The following BMERB1 variants were observed in gnomAD, a reference collection of about 807,000 sequenced individuals.
BMERB1 encodes the protein bMERB domain-containing protein 1.
Under a neutral mutation model 23.6 loss-of-function variants are expected in BMERB1, and 12 were observed. That is an observed-to-expected ratio of 0.51 (90% CI 0.33 to 0.82). The LOEUF (loss-of-function observed/expected upper bound fraction) is 0.82, where lower values mean the gene tolerates loss of function less well. Among genes scored for constraint, BMERB1 ranks in the 40% least tolerant of loss-of-function variants. The pLI is 0.03. For missense variants in BMERB1, 247 were observed against 255.4 expected (o/e 0.97, Z 0.22); for synonymous variants, 122 against 96.6 (o/e 1.26, Z -1.54).
intron 1 of BMERB1, among the ~76,000 whole-genome samples, chr16:15,450,595 C>T (rs1176776782): frequency 1.3e-5 from 2 of 152,054 alleles, no homozygotes; most frequent in Admixed American, 1.3e-4. Context: ...CTCAGCCTCC[C>T]GAGTAGCCGG....
chr16:15,516,319 A>T (rs2051754392), intron 2 of BMERB1, among the ~76,000 whole-genome samples: 1 of 151,982 alleles, frequency 6.6e-6, no homozygotes, highest in South Asian at 2.1e-4. Flanking sequence ...ACTCAGGAGG[A>T]TGAGGTGGGG....
At chr16:15,459,081 C>A (rs2051113653) in intron 1 of BMERB1, among the ~76,000 whole-genome samples, 1 of 151,898 alleles carries the variant, frequency 6.6e-6, no homozygotes, top group Non-Finnish European at 1.5e-5. Flanking sequence ...GCACTCCAGC[C>A]CAGGTAACAG....
intron 2 of BMERB1, among the ~76,000 whole-genome samples, chr16:15,529,558 T>C (rs1363410614): frequency 2.6e-5 from 4 of 152,080 alleles, no homozygotes; most frequent in Non-Finnish European, 4.4e-5. Context: ...AATATCTGAC[T>C]CTCCTCCTAG....
At chr16:15,563,875 A>G (rs1368243132) in intron 2 of BMERB1, among the ~76,000 whole-genome samples, 1 of 152,152 alleles carries the variant, frequency 6.6e-6, no homozygotes, top group Non-Finnish European at 1.5e-5. Flanking sequence ...GATCCAAACT[A>G]CATCATAGGC....
chr16:15,474,119 C>CAA lies in BMERB1; in HGVS notation c.106+39377_106+39378dup, dbSNP rs71152434. ...TCGGTGACAGAGTGAGACTCTGTCTCAAAAAAAAAAAAAAAAAAGTTTTAT... is the reference window on the plus strand; with the variant it reads ...TCGGTGACAGAGTGAGACTCTGTCTCAAAAAAAAAAAAAAAAAAAAGTTTTAT... On this transcript the variant is annotated intron_variant, in intron 1 of 5. Coordinates refer to ENST00000300006, the MANE Select transcript of BMERB1 (RefSeq NM_033201.3). 6.6e-5 allele frequency among the ~76,000 whole-genome samples: 6 copies of CAA among 91,530 alleles called. No homozygotes were observed. The South Asian group carries it at 1.4e-3, about 22-fold the overall frequency. 60.0% of individuals were successfully genotyped at this position (91,530 alleles called of 152,430 possible).
chr16:15,507,623 G>C (rs916282621), intron 1 of BMERB1, among the ~76,000 whole-genome samples: 4 of 152,136 alleles, frequency 2.6e-5, no homozygotes, highest in Admixed American at 2.6e-4. Context: ...CCCGTGATTT[G>C]TCCTCCTCGT....
chr16:15,471,012 A>G (rs570166090), intron 1 of BMERB1, among the ~76,000 whole-genome samples: 2 of 149,340 alleles, frequency 1.3e-5, no homozygotes, highest in Non-Finnish European at 3.0e-5. Context: ...AATTTTTTGT[A>G]TTTTAGTAGA....
chr16:15,554,052 C>G (rs1209668906), intron 2 of BMERB1, among the ~76,000 whole-genome samples: 5 of 152,176 alleles, frequency 3.3e-5, no homozygotes, highest in Admixed American at 1.3e-4. Flanking sequence ...ACACCCATTC[C>G]TAATATTTGT....
chr16:15,516,892 G>A (rs2051767214), intron 2 of BMERB1, among the ~76,000 whole-genome samples: 1 of 152,104 alleles, frequency 6.6e-6, no homozygotes, highest in Non-Finnish European at 1.5e-5. Flanking sequence ...GTCGTCCAGG[G>A]TGGAATGCAG....
At chr16:15,502,105 G>A (rs539818984) in intron 1 of BMERB1, among the ~76,000 whole-genome samples, 17 of 152,306 alleles carry the variant, frequency 1.1e-4, no homozygotes, top group African/African-American at 3.6e-4. Context: ...GAAAGATGCC[G>A]GACCATCTAC....
intron 1 of BMERB1, among the ~76,000 whole-genome samples, chr16:15,454,266 A>G (rs945568300): frequency 3.9e-5 from 6 of 152,216 alleles, no homozygotes; most frequent in African/African-American, 7.2e-5. Flanking sequence ...AGGATGTAAC[A>G]TAAAGTCTAA....
At chr16:15,536,412 A>C (rs1264496191) in intron 2 of BMERB1, among the ~76,000 whole-genome samples, 1 of 151,994 alleles carries the variant, frequency 6.6e-6, no homozygotes, top group South Asian at 2.1e-4. Flanking sequence ...TCTGACTCTC[A>C]TATCAGCTGT....
At position 15,475,688 on chromosome 16, in the gene BMERB1, C is replaced by T. The variant is rs566102766; in HGVS notation, c.107-39617C>T. Among the ~76,000 whole-genome samples the T allele has an allele frequency of 2.0e-5, 3 of 152,184 alleles. No individual in the cohort carries two copies. The East Asian group carries it at 5.8e-4, about 29-fold the overall frequency. Reference sequence around the variant, plus strand: ...TTGTTTGGTAAAGAAATCAGAGTGCCACCTCCTTCCACTGGGTGGGGGATG... The same window carrying T: ...TTGTTTGGTAAAGAAATCAGAGTGCTACCTCCTTCCACTGGGTGGGGGATG... On this transcript the variant is annotated intron_variant, in intron 1 of 5. Transcript: ENST00000300006.
At chr16:15,501,169 G>T (rs1391123128) in intron 1 of BMERB1, among the ~76,000 whole-genome samples, 1 of 151,112 alleles carries the variant, frequency 6.6e-6, no homozygotes, top group Non-Finnish European at 1.5e-5. Context: ...AAGAGACAGG[G>T]TCTCGTTGCT....
At chr16:15,541,217 G>T (rs2052075737) in intron 2 of BMERB1, among the ~76,000 whole-genome samples, 1 of 152,054 alleles carries the variant, frequency 6.6e-6, no homozygotes, top group Non-Finnish European at 1.5e-5. Context: ...ATGGAAGAGA[G>T]ATGCATTGGG....
chr16:15,483,129 T>C (rs1311107036), intron 1 of BMERB1, among the ~76,000 whole-genome samples: 2 of 152,246 alleles, frequency 1.3e-5, no homozygotes, highest in East Asian at 3.8e-4. Flanking sequence ...ATTATGATCC[T>C]AGTCCCAAAT....
chr16:15,443,758 AAAT>A (rs1417830704), intron 1 of BMERB1, among the ~76,000 whole-genome samples: 1 of 152,014 alleles, frequency 6.6e-6, no homozygotes, highest in Non-Finnish European at 1.5e-5. Flanking sequence ...TCTTTACTAA[AAAT>A]ACAAAAAATT....
intron 1 of BMERB1, among the ~76,000 whole-genome samples, chr16:15,505,054 G>C (rs1004265253): frequency 2.0e-5 from 3 of 152,102 alleles, no homozygotes; most frequent in South Asian, 2.1e-4. Flanking sequence ...GCTGAGAATT[G>C]TCCTTCTAGC....
rs924103257 is a variant in BMERB1 at position 15,587,367 on chromosome 16, T to G, written c.*538T>G. ...CCCCGTGTCTCTCGGGCACCACCCATATAGCAGTCCCAGAGGGCCCATCTG... is the reference window on the plus strand; with the variant it reads ...CCCCGTGTCTCTCGGGCACCACCCAGATAGCAGTCCCAGAGGGCCCATCTG... On this transcript the variant is annotated 3_prime_UTR_variant, in exon 6 of 6. Transcript: ENST00000300006. 7.6e-6 allele frequency: 2 copies of G among 264,152 alleles called. No individual in the cohort carries two copies. The highest frequency in any genetic ancestry group is 4.6e-5 in the African/African-American group (2 of 43,944). The allele number at this position is 264,152 out of a possible 1,614,324, so 16.4% of individuals were successfully genotyped here.
Sources: allele counts gnomAD v4.1 joint callset (sites outside exome capture counted in the v4.1 genomes callset), GRCh38; gene constraint gnomAD v4.1.1; transcripts MANE v1.5; gene names NCBI Gene and HGNC (gene_info 2026-07-23, HGNC 2026-07-21).